The following CRACR2A variants were observed in gnomAD, a reference collection of about 807,000 sequenced individuals.
The protein encoded by CRACR2A is calcium release activated channel regulator 2A.
Under a neutral mutation model 90.5 loss-of-function variants are expected in CRACR2A, and 79 were observed. The observed-to-expected ratio is 0.87, with a 90% CI of 0.73 to 1.05. The LOEUF (loss-of-function observed/expected upper bound fraction) is 1.05. Among genes scored for constraint, CRACR2A ranks in the 50% least tolerant of loss-of-function variants. The pLI is 0.00. For missense variants in CRACR2A, 823 were observed against 897.2 expected (o/e 0.92, Z 1.06); for synonymous variants, 338 against 356.7 (o/e 0.95, Z 0.59).
chr12:3,712,304 C>T (rs1247591885), intron 3 of CRACR2A, among the ~76,000 whole-genome samples: 1 of 152,000 alleles, frequency 6.6e-6, no homozygotes, highest in East Asian at 1.9e-4. Context: ...TAAAGAAATA[C>T]TCGAGACTGG....
At chr12:3,621,013 G>A (rs972815380) in intron 17 of CRACR2A, among the ~76,000 whole-genome samples, 3 of 152,204 alleles carry the variant, frequency 2.0e-5, no homozygotes, top group Admixed American at 6.5e-5. Context: ...ATACTTGTGC[G>A]AAGAGCTTTT....
Position 3,746,507 on chromosome 12 carries a change from C to T in CRACR2A, c.-387+6508G>A, listed in dbSNP as rs192425072. ...GGCTTTCTGCAAGCCAAGGAGAGAA[C>T]CTTCACCCACCAAACTGGCACCATG... is the stretch of plus-strand genomic sequence containing the variant. On this transcript the variant is annotated intron_variant, in intron 1 of 19. Coordinates refer to ENST00000440314, the MANE Select transcript of CRACR2A (RefSeq NM_001144958.2). This position sits in a 1 kb window ranked among gnomAD's most constrained non-coding sequence, Gnocchi z 4.4. 1.3e-5 allele frequency among the ~76,000 whole-genome samples: 2 copies of T among 152,120 alleles called. No homozygotes were observed. The highest frequency in any genetic ancestry group is 2.9e-5 in the Non-Finnish European group (2 of 68,022).
Position 3,673,576 on chromosome 12 carries a change from G to A in CRACR2A, c.541C>T (p.Gln181Ter), listed in dbSNP as rs201392258. 207 of 1,613,452 alleles carry A rather than the reference G, an allele frequency of 1.3e-4. No homozygotes were observed. Among genetic ancestry groups the A allele is most frequent in the African/African-American group, 2.7e-5 (2 of 74,906 alleles). ...KVLEDESDVK[Q>*]LWLQLKKEEP... is the part of the protein sequence containing the mutation. ...TCCTTCTTCAGCTGCAACCAGAGCTGCTTGACATCACTTTCACTGCAAGAG... is the reference window on the plus strand; with the variant it reads ...TCCTTCTTCAGCTGCAACCAGAGCTACTTGACATCACTTTCACTGCAAGAG... Residue 181 changes from glutamine to a stop codon, truncating the protein, a stop_gained, in exon 7 of 20, where the codon CAG becomes TAG. Coordinates refer to ENST00000440314, the MANE Select transcript of CRACR2A (RefSeq NM_001144958.2). LOFTEE classifies it high-confidence loss of function.
At chr12:3,700,632 T>C (rs1285031575) in intron 3 of CRACR2A, among the ~76,000 whole-genome samples, 3 of 152,224 alleles carry the variant, frequency 2.0e-5, no homozygotes, top group Non-Finnish European at 4.4e-5. Flanking sequence ...TCATTTCGTA[T>C]TGATAAAAGG....
chr12:3,670,374 C>T (rs957835653), intron 7 of CRACR2A, among the ~76,000 whole-genome samples: 1 of 152,188 alleles, frequency 6.6e-6, no homozygotes, highest in African/African-American at 2.4e-5. Flanking sequence ...CCTCCCAAAT[C>T]AGGCCATCCC....
intron 7 of CRACR2A, among the ~76,000 whole-genome samples, chr12:3,666,382 C>T (rs538452849): frequency 1.3e-3 from 194 of 147,764 alleles, no homozygotes; most frequent in African/African-American, 4.7e-3. Context: ...CGCGCGCACG[C>T]GCGCACACGC....
intron 3 of CRACR2A, among the ~76,000 whole-genome samples, chr12:3,699,734 G>A (rs1945804724): frequency 6.6e-6 from 1 of 152,186 alleles, no homozygotes; most frequent in Admixed American, 6.5e-5. Context: ...TGAGCAACCA[G>A]TAGACAGGCA....
chr12:3,750,967 C>A (rs1307407944), intron 1 of CRACR2A, among the ~76,000 whole-genome samples: 3 of 152,252 alleles, frequency 2.0e-5, no homozygotes, highest in African/African-American at 7.2e-5. Context: ...AGTGGCATCA[C>A]CAGCCACTCT....
intron 4 of CRACR2A, among the ~76,000 whole-genome samples, chr12:3,694,812 C>T (rs745459368): frequency 2.6e-5 from 4 of 152,198 alleles, no homozygotes; most frequent in Non-Finnish European, 4.4e-5. Context: ...TCAAGTGCTT[C>T]ACTGACCACA....
At chr12:3,741,478 C>T (rs536405831) in intron 1 of CRACR2A, among the ~76,000 whole-genome samples, 8 of 152,330 alleles carry the variant, frequency 5.3e-5, no homozygotes, top group African/African-American at 1.7e-4. Context: ...AAATAAGCAA[C>T]GCCCATTTAA....
chr12:3,649,653 A>G (rs1285101706), intron 10 of CRACR2A, among the ~76,000 whole-genome samples: 1 of 152,196 alleles, frequency 6.6e-6, no homozygotes, highest in African/African-American at 2.4e-5. Context: ...AATCAGGGCA[A>G]CTAGAGGGCA....
intron 17 of CRACR2A, among the ~76,000 whole-genome samples, chr12:3,623,022 C>A (rs1194166581): frequency 6.6e-6 from 1 of 152,144 alleles, no homozygotes; most frequent in East Asian, 1.9e-4. Context: ...TGGGCCAGGA[C>A]CCCTTGAGCT....
Position 3,752,167 on chromosome 12 carries a change from A to G in CRACR2A, c.-387+848T>C, listed in dbSNP as rs146913141. Among the ~76,000 whole-genome samples the G allele has an allele frequency of 2.4e-3, 359 of 152,312 alleles. 3 individuals carry two copies. The highest frequency in any genetic ancestry group is 4.3e-3 in the Non-Finnish European group (295 of 68,026). ...CTTTCTGTCCTCTTGAGTCACACAGAACGAATTCCTTTGAGACTCCTGGTG... is the reference window on the plus strand; with the variant it reads ...CTTTCTGTCCTCTTGAGTCACACAGGACGAATTCCTTTGAGACTCCTGGTG... On this transcript the variant is annotated intron_variant, in intron 1 of 19. Coordinates refer to ENST00000440314, the MANE Select transcript of CRACR2A (RefSeq NM_001144958.2).
At chr12:3,629,853 G>T (rs375619372) in intron 15 of CRACR2A, among the ~76,000 whole-genome samples, 168 of 151,274 alleles carry the variant, frequency 1.1e-3, no homozygotes, top group East Asian at 6.1e-3. Context: ...AGACAAGGGG[G>T]GGGGGGGATG....
chr12:3,616,946 C>T lies in CRACR2A; in HGVS notation c.2111+8G>A. ...CAGTTACTGCACCTGGGGAGCACAT[C>T]TCTTTACCTGGCCAGATGGAGCAGG... On this transcript the variant is annotated splice_region_variant and intron_variant, in intron 19 of 19. Transcript: ENST00000440314. 6.5e-7 allele frequency: 1 copy of T among 1,549,438 alleles called. No homozygotes were observed. The highest frequency in any genetic ancestry group is 1.7e-4 in the Middle Eastern group (1 of 5,980).
At position 3,680,226 on chromosome 12, in the gene CRACR2A, A is replaced by G; in HGVS notation, c.340+12T>C. 1 of 1,609,864 alleles carries G rather than the reference A, an allele frequency of 6.2e-7. No homozygotes were observed. ...CATAACCCTGAGGTCCCCAGCACCC[A>G]TCAGAACTTACTAAATCCAGTAGTG... On this transcript the variant is annotated intron_variant, in intron 5 of 19. Coordinates refer to ENST00000440314, the MANE Select transcript of CRACR2A (RefSeq NM_001144958.2).
chr12:3,662,692 C>T (rs1945059696), intron 7 of CRACR2A, among the ~76,000 whole-genome samples: 1 of 152,210 alleles, frequency 6.6e-6, no homozygotes, highest in Admixed American at 6.5e-5. Context: ...AATAAAAGTG[C>T]CTGTCAGACC....
chr12:3,616,844 A>G, intron 19 of CRACR2A, 110 bp downstream of exon 19: 1 of 824,758 alleles, frequency 1.2e-6, no homozygotes, highest in Non-Finnish European at 2.0e-6. Context: ...GCCAATAGGG[A>G]GGAAGGGGGG....
At chr12:3,676,620 G>A (rs542301035) in intron 6 of CRACR2A, among the ~76,000 whole-genome samples, 10 of 152,332 alleles carry the variant, frequency 6.6e-5, no homozygotes, top group African/African-American at 1.9e-4. Flanking sequence ...GAAGACAACT[G>A]TCTGTGAATG....
Sources: allele counts gnomAD v4.1 joint callset (sites outside exome capture counted in the v4.1 genomes callset), GRCh38; gene constraint gnomAD v4.1.1; non-coding constraint Gnocchi (gnomAD v3.1); transcripts MANE v1.5; gene names NCBI Gene and HGNC (gene_info 2026-07-23, HGNC 2026-07-21).